Variants in RGS8 observed in about 807,000 individuals in gnomAD.
The protein encoded by RGS8 is regulator of G-protein signaling 8.
A neutral mutation model predicts 21.7 loss-of-function variants in RGS8; 8 were observed. The observed-to-expected ratio is 0.37, with a 90% CI of 0.22 to 0.66. The LOEUF (loss-of-function observed/expected upper bound fraction) is 0.66, where lower values mean the gene tolerates loss of function less well. Ranked by LOEUF, RGS8 falls within the 30% of genes least tolerant of loss-of-function variation. The pLI, the probability that RGS8 is intolerant of heterozygous loss-of-function variation, is 0.59. For missense variants in RGS8, 157 were observed against 217.9 expected, an observed-to-expected ratio of 0.72 and a Z score of 1.76; for synonymous variants, 80 against 83.6, an observed-to-expected ratio of 0.96 and a Z score of 0.24.
chr1:182,647,519 A>G (rs911816483), intron 6 of RGS8, among the ~76,000 whole-genome samples: 1 of 152,216 alleles, frequency 6.6e-6, no homozygotes, highest in African/African-American at 2.4e-5. Flanking sequence ...TTCTTCATTT[A>G]AACCCTCCCC....
chr1:182,735,717 A>G, the RGS8 span, among the ~76,000 whole-genome samples: 1 of 152,194 alleles, frequency 6.6e-6, no homozygotes, highest in African/African-American at 2.4e-5. Flanking sequence ...CCAGTTTGTG[A>G]TTATATTTTG....
At chr1:182,672,906 TC>T, upstream of RGS8, 1 of 1,555,468 alleles carries the variant, frequency 6.4e-7, no homozygotes, top group Admixed American at 1.7e-5. Flanking sequence ...CCAAGCGTGG[TC>T]CCTGAACCAG....
chr1:182,652,429 G>A (rs1470884468), intron 5 of RGS8, among the ~76,000 whole-genome samples: 1 of 152,218 alleles, frequency 6.6e-6, no homozygotes, highest in African/African-American at 2.4e-5. Flanking sequence ...CTTCTGCAAA[G>A]TGCTCCCAGG....
chr1:182,736,661 G>A, the RGS8 span, among the ~76,000 whole-genome samples: 5 of 152,344 alleles, frequency 3.3e-5, no homozygotes, highest in Middle Eastern at 3.4e-3. Flanking sequence ...ATAGAGGAGA[G>A]GGAAGGGCAT....
chr1:182,697,187 A>T, the RGS8 span, among the ~76,000 whole-genome samples: 3 of 152,268 alleles, frequency 2.0e-5, no homozygotes, highest in African/African-American at 4.8e-5. Flanking sequence ...CAGTCATGTT[A>T]TAAAGGCATG....
At chr1:182,687,044 T>C (rs576771543), upstream of RGS8, among the ~76,000 whole-genome samples, 10 of 152,058 alleles carry the variant, frequency 6.6e-5, no homozygotes, top group Non-Finnish European at 1.3e-4. Flanking sequence ...ATTTTCGTCA[T>C]AGGTGACCAC....
the RGS8 span, among the ~76,000 whole-genome samples, chr1:182,746,012 G>T: frequency 2.0e-5 from 3 of 152,056 alleles, no homozygotes; most frequent in Non-Finnish European, 4.4e-5. Context: ...TCCAAGTTCT[G>T]CCCTCTAGGG....
At chr1:182,657,364 C>T (rs1663335694) in intron 5 of RGS8, among the ~76,000 whole-genome samples, 3 of 152,132 alleles carry the variant, frequency 2.0e-5, no homozygotes, top group Admixed American at 2.0e-4. Flanking sequence ...GACCCTCCTG[C>T]TTGTCCATGA....
exon 7 of RGS8, chr1:182,646,889 G>T (rs774662091): frequency 1.9e-6 from 3 of 1,613,982 alleles, no homozygotes; most frequent in Admixed American, 3.3e-5. Flanking sequence ...CTTCCTCGTG[G>T]CTTCTCGGGT....
intron 1 of RGS8, among the ~76,000 whole-genome samples, chr1:182,679,676 C>T (rs1046091646): frequency 6.6e-6 from 1 of 152,136 alleles, no homozygotes; most frequent in African/African-American, 2.4e-5. Context: ...ATCATGTAGA[C>T]TCCGATAGTC....
At chr1:182,655,292 C>T (rs1191791326) in intron 5 of RGS8, among the ~76,000 whole-genome samples, 3 of 152,154 alleles carry the variant, frequency 2.0e-5, no homozygotes, top group Non-Finnish European at 4.4e-5. Flanking sequence ...GAGAGGACTC[C>T]CACTGTAGGG....
chr1:182,647,161 C>T (rs1662741921), intron 6 of RGS8, among the ~76,000 whole-genome samples: 1 of 152,220 alleles, frequency 6.6e-6, no homozygotes, highest in Non-Finnish European at 1.5e-5. Context: ...GACTAAAAAG[C>T]TTGTTTAAAG....
At chr1:182,661,972 T>C (rs1663613111) in intron 5 of RGS8, among the ~76,000 whole-genome samples, 1 of 152,184 alleles carries the variant, frequency 6.6e-6, no homozygotes, top group African/African-American at 2.4e-5. Flanking sequence ...CCATCAGCAA[T>C]TTCAATTTCC....
At chr1:182,695,005 G>A in the RGS8 span, among the ~76,000 whole-genome samples, 1 of 152,042 alleles carries the variant, frequency 6.6e-6, no homozygotes, top group Non-Finnish European at 1.5e-5. Context: ...CAGTGCATTG[G>A]GTTGTTGTTT....
the RGS8 span, among the ~76,000 whole-genome samples, chr1:182,708,243 C>T: frequency 6.6e-6 from 1 of 152,158 alleles, no homozygotes; most frequent in Admixed American, 6.6e-5. Flanking sequence ...AAAAAGTCTG[C>T]TTCCCTCTGT....
the RGS8 span, among the ~76,000 whole-genome samples, chr1:182,737,414 C>G: frequency 6.6e-6 from 1 of 152,168 alleles, no homozygotes; most frequent in South Asian, 2.1e-4. Context: ...AACTGTAGCT[C>G]CCATAACCCC....
At chr1:182,658,471 C>G (rs1320944776) in intron 5 of RGS8, 1 of 152,162 alleles carries the variant, frequency 6.6e-6, no homozygotes, top group Non-Finnish European at 1.5e-5. Flanking sequence ...TCTTGTATCC[C>G]CGAACAACTG....
At chr1:182,666,831 G>T in intron 4 of RGS8, 41 bp downstream of exon 5, 1 of 1,440,818 alleles carries the variant, frequency 6.9e-7, no homozygotes, top group Non-Finnish European at 9.8e-7. Context: ...TATATGACTT[G>T]CTGTATTACC....
rs754401178 is a variant in RGS8, at chr1:182,648,132, C to T, written c.360+5G>A. ...TAGACAGGATGGTCGCCGCTGCCAA[C>T]ACACCTCCCGTGGAGCCTGCACATC... On this transcript the variant is annotated splice_donor_5th_base_variant and intron_variant, in intron 6 of 6. Coordinates refer to ENST00000483095, the Ensembl canonical transcript of RGS8. 6.3e-7 allele frequency: 1 copy of T among 1,593,476 alleles called. No homozygotes were observed. Among genetic ancestry groups the T allele is most frequent in the East Asian group, 2.3e-5 (1 of 44,406 alleles).
Sources: gnomAD v4.1 joint callset for allele counts (sites outside exome capture counted in the v4.1 genomes callset) on GRCh38, gnomAD v4.1.1 for gene constraint, MANE v1.5 for transcripts, NCBI Gene and HGNC (gene_info 2026-07-23, HGNC 2026-07-21) for gene names.